CADPS: variants seen among roughly 807,000 people sequenced by gnomAD.
CADPS encodes the protein calcium-dependent secretion activator 1.
In CADPS, 57 loss-of-function variants were observed where a neutral mutation model predicts 167.3. The ratio of observed to expected loss-of-function variants is 0.34; its 90% confidence interval spans 0.28 to 0.42. CADPS has a LOEUF of 0.42. Ranked by LOEUF, CADPS falls within the 20% of genes least tolerant of loss-of-function variation. CADPS has a pLI of 1.00. For missense variants in CADPS, 1,414 were observed against 1,738.1 expected, an observed-to-expected ratio of 0.81 and a Z score of 3.32; for synonymous variants, 676 against 635.3, an observed-to-expected ratio of 1.06 and a Z score of -0.96.
intron 26 of CADPS, among the ~76,000 whole-genome samples, chr3:62,448,968 G>T (rs1310609239): frequency 1.3e-5 from 2 of 152,152 alleles, no homozygotes; most frequent in Non-Finnish European, 2.9e-5. Context: ...GGGGATTCTG[G>T]CAGTATATTC....
At chr3:62,846,076 TCTC>T (rs1301938217) in intron 1 of CADPS, among the ~76,000 whole-genome samples, 2 of 151,964 alleles carry the variant, frequency 1.3e-5, no homozygotes, top group African/African-American at 2.4e-5. Context: ...TCTCTCTCTC[TCTC>T]TCTCCTGCCA....
intron 1 of CADPS, among the ~76,000 whole-genome samples, chr3:62,855,043 G>T (rs944639598): frequency 3.3e-5 from 5 of 150,268 alleles, no homozygotes; most frequent in African/African-American, 1.2e-4. Context: ...CCATGCCTCA[G>T]CCTCCCCAGT....
At chr3:62,675,701 A>G (rs1048386845) in intron 3 of CADPS, among the ~76,000 whole-genome samples, 1 of 152,142 alleles carries the variant, frequency 6.6e-6, no homozygotes, top group Admixed American at 6.5e-5. Context: ...TGTACCTACA[A>G]GTTCCCAGCC....
chr3:62,787,437 G>A (rs1663800285), intron 1 of CADPS, among the ~76,000 whole-genome samples: 1 of 152,072 alleles, frequency 6.6e-6, no homozygotes, highest in Admixed American at 6.5e-5. Context: ...TTATTTTCAT[G>A]AGTGAAAACA....
intron 22 of CADPS, among the ~76,000 whole-genome samples, chr3:62,480,882 A>G (rs2061924275): frequency 6.6e-6 from 1 of 152,210 alleles, no homozygotes; most frequent in Non-Finnish European, 1.5e-5. Context: ...CTTCTTGCTA[A>G]CTAAAAAAGG....
intron 1 of CADPS, among the ~76,000 whole-genome samples, chr3:62,854,841 T>C (rs1462663570): frequency 6.6e-6 from 1 of 152,198 alleles, no homozygotes; most frequent in Non-Finnish European, 1.5e-5. Flanking sequence ...TTTTAAAAAG[T>C]TGACTGTCCT....
At chr3:62,742,170 G>T (rs941625995) in intron 3 of CADPS, among the ~76,000 whole-genome samples, 3 of 152,090 alleles carry the variant, frequency 2.0e-5, no homozygotes, top group Non-Finnish European at 2.9e-5. Flanking sequence ...TGGATAGAAA[G>T]AATCAATATT....
intron 6 of CADPS, among the ~76,000 whole-genome samples, chr3:62,593,965 A>G (rs1284178129): frequency 1.3e-5 from 2 of 152,122 alleles, no homozygotes; most frequent in Non-Finnish European, 2.9e-5. Context: ...AGACATATAG[A>G]AGGAACTTAA....
chr3:62,527,627 G>C (rs572191134), intron 13 of CADPS, among the ~76,000 whole-genome samples: 58 of 152,256 alleles, frequency 3.8e-4, no homozygotes, highest in African/African-American at 1.2e-3. Context: ...GTTTTTCACG[G>C]AGATGGTGCA....
chr3:62,574,898 G>C (rs2081988100), intron 8 of CADPS, among the ~76,000 whole-genome samples: 1 of 152,178 alleles, frequency 6.6e-6, no homozygotes. Context: ...CAGAGAAAAT[G>C]TATCATTTTA....
At chr3:62,718,283 T>A (rs979743103) in intron 3 of CADPS, among the ~76,000 whole-genome samples, 4 of 152,116 alleles carry the variant, frequency 2.6e-5, no homozygotes, top group African/African-American at 9.7e-5. Context: ...TCTTGGTGAA[T>A]GAATGAATGA....
intron 3 of CADPS, among the ~76,000 whole-genome samples, chr3:62,749,123 T>G (rs113671902): frequency 1.2e-4 from 19 of 152,360 alleles, no homozygotes; most frequent in Admixed American, 5.9e-4. Context: ...GGATATTATG[T>G]TGAGTATGAA....
intron 1 of CADPS, among the ~76,000 whole-genome samples, chr3:62,837,527 C>T (rs1055578631): frequency 3.3e-5 from 5 of 152,150 alleles, no homozygotes; most frequent in African/African-American, 4.8e-5. Context: ...GTGAATGGCC[C>T]CTGATTCATG....
At chr3:62,783,695 T>G (rs1034249009) in intron 1 of CADPS, among the ~76,000 whole-genome samples, 3 of 152,222 alleles carry the variant, frequency 2.0e-5, no homozygotes, top group Non-Finnish European at 4.4e-5. Flanking sequence ...ATAGCAAATG[T>G]CTGTTACTGG....
At chr3:62,551,063 C>A (rs2077243728) in intron 10 of CADPS, among the ~76,000 whole-genome samples, 2 of 152,148 alleles carry the variant, frequency 1.3e-5, no homozygotes, top group Non-Finnish European at 2.9e-5. Flanking sequence ...GCCAACCAGC[C>A]TTTAAGTACC....
At chr3:62,792,995 A>AG (rs1260485635) in intron 1 of CADPS, among the ~76,000 whole-genome samples, 1 of 152,204 alleles carries the variant, frequency 6.6e-6, no homozygotes, top group African/African-American at 2.4e-5. Context: ...GCCACCTAGC[A>AG]GCACATTTTA....
intron 1 of CADPS, among the ~76,000 whole-genome samples, chr3:62,857,778 T>C (rs2079991280): frequency 6.6e-6 from 1 of 152,078 alleles, no homozygotes; most frequent in African/African-American, 2.4e-5. Context: ...TATTTCCATA[T>C]ACTTTTCTAT....
intron 1 of CADPS, among the ~76,000 whole-genome samples, chr3:62,855,189 C>T (rs1264095034): frequency 6.7e-6 from 1 of 150,152 alleles, no homozygotes; most frequent in Non-Finnish European, 1.5e-5. Flanking sequence ...AGGCAATCTG[C>T]CCACTTCGGC....
intron 13 of CADPS, among the ~76,000 whole-genome samples, chr3:62,525,808 G>T (rs1371478091): frequency 1.3e-5 from 2 of 152,104 alleles, no homozygotes; most frequent in South Asian, 2.1e-4. Flanking sequence ...TACTAGGAAG[G>T]CATTCACCAA....
Sources: gnomAD v4.1 joint callset for allele counts (sites outside exome capture counted in the v4.1 genomes callset) on GRCh38, gnomAD v4.1.1 for gene constraint, MANE v1.5 for transcripts, NCBI Gene and HGNC (gene_info 2026-07-23, HGNC 2026-07-21) for gene names.